Variants in MTOR observed in about 807,000 individuals in gnomAD.
MTOR encodes the protein mechanistic target of rapamycin kinase, also known as serine/threonine-protein kinase mTOR.
Under a neutral mutation model 319.8 loss-of-function variants are expected in MTOR, and 70 were observed. That is an observed-to-expected ratio of 0.22 (90% CI 0.18 to 0.27). MTOR has a LOEUF of 0.27. Ranked by LOEUF, MTOR falls within the 10% of genes least tolerant of loss-of-function variation. MTOR has a pLI of 1.00. For synonymous variants in MTOR, 1,183 were observed against 1,211.4 expected (o/e 0.98, Z 0.49); for missense variants, 1,890 against 3,274.4 (o/e 0.58, Z 10.32).
At chr1:11,258,101 C>T (rs1258149935) in intron 3 of MTOR, among the ~76,000 whole-genome samples, 1 of 111,822 alleles carries the variant, frequency 8.9e-6, no homozygotes, top group Non-Finnish European at 2.1e-5. Context: ...GAGTGAGACT[C>T]CATCTCAAAA....
chr1:11,162,521 G>A (rs536309875), intron 29 of MTOR, among the ~76,000 whole-genome samples: 1 of 152,292 alleles, frequency 6.6e-6, no homozygotes, highest in East Asian at 1.9e-4. Flanking sequence ...AAAATGTTAA[G>A]GGCAGCCAGA....
intron 46 of MTOR, 71 bp downstream of exon 46, chr1:11,126,551 C>A (rs897086858): frequency 1.3e-6 from 2 of 1,509,938 alleles, no homozygotes; most frequent in African/African-American, 1.4e-5. Flanking sequence ...GCAGTAATTT[C>A]AGAAGAGGGA....
rs1007717295 is a variant in MTOR, at chr1:11,251,158, A to G, written c.840+2681T>C. Among the ~76,000 whole-genome samples the G allele has an allele frequency of 3.4e-5, 3 of 87,836 alleles. No homozygotes were observed. The Admixed American group carries it at 4.1e-4, about 12-fold the overall frequency. The allele number at this position is 87,836 out of a possible 152,430, so 57.6% of individuals were successfully genotyped here. A position where few individuals can be genotyped will look rare whatever the true frequency, so the allele number is the denominator to read the frequency against. On this transcript the variant is annotated intron_variant, in intron 6 of 57. Coordinates refer to ENST00000361445, the MANE Select transcript of MTOR (RefSeq NM_004958.4). Reference sequence around the variant, plus strand: ...TTCCCACACAAAGGCCCTATGTGATATGCCCCTCCTTCCCTTAGGTGTTCC... The same window carrying G: ...TTCCCACACAAAGGCCCTATGTGATGTGCCCCTCCTTCCCTTAGGTGTTCC...
intron 28 of MTOR, among the ~76,000 whole-genome samples, chr1:11,171,706 TA>T (rs1217121975): frequency 6.6e-6 from 1 of 151,936 alleles, no homozygotes; most frequent in Non-Finnish European, 1.5e-5. Context: ...CTTTGCAAAT[TA>T]AAAATGTAAA....
In MTOR at chr1:11,212,975, G is replaced by A. The variant is rs1646358518; in HGVS notation, c.3286-67C>T. 20 of 1,277,652 alleles carry A rather than the reference G, an allele frequency of 1.6e-5. 1 individual carries two copies. The South Asian group carries it at 2.3e-4, about 15-fold the overall frequency. 79.1% of individuals were successfully genotyped at this position (1,277,652 alleles called of 1,614,324 possible). A position where few individuals can be genotyped will look rare whatever the true frequency, so the allele number is the denominator to read the frequency against. On this transcript the variant is annotated intron_variant, in intron 21 of 57. Coordinates refer to ENST00000361445, the MANE Select transcript of MTOR (RefSeq NM_004958.4). The surrounding 1 kb of genome is among the most constrained non-coding windows in gnomAD (Gnocchi z 4.1). ...CCAAGTATCTAAGGACACGCAGCGG[G>A]TGGTGGTGTAGACAATTCAAAGTTC...
chr1:11,223,580 G>C (rs1186546125), intron 19 of MTOR, among the ~76,000 whole-genome samples: 2 of 152,038 alleles, frequency 1.3e-5, no homozygotes, highest in Non-Finnish European at 2.9e-5. Flanking sequence ...ATTCATGATT[G>C]AAATAGTCTA....
intron 34 of MTOR, among the ~76,000 whole-genome samples, chr1:11,140,456 G>C (rs1005573593): frequency 1.3e-5 from 2 of 152,198 alleles, no homozygotes; most frequent in African/African-American, 4.8e-5. Context: ...TCTGACAGGA[G>C]GTGGAGCTTG....
chr1:11,239,614 C>T (rs1360965127), intron 11 of MTOR, among the ~76,000 whole-genome samples: 1 of 152,080 alleles, frequency 6.6e-6, no homozygotes, highest in Admixed American at 6.5e-5. Flanking sequence ...TTTTAGAAAT[C>T]ATACCGCCAG....
At chr1:11,108,369 G>A in intron 56 of MTOR, 83 bp from the exon 57 acceptor site, 5 of 1,070,174 alleles carry the variant, frequency 4.7e-6, no homozygotes, top group Non-Finnish European at 5.8e-6. Context: ...AACTGTCTAT[G>A]CCAACAGCTT....
intron 19 of MTOR, among the ~76,000 whole-genome samples, chr1:11,222,889 A>G (rs536629949): frequency 3.5e-4 from 53 of 152,322 alleles, no homozygotes; most frequent in African/African-American, 1.1e-3. Context: ...AGGGAACTTT[A>G]TAACAGATGG....
intron 46 of MTOR, among the ~76,000 whole-genome samples, chr1:11,126,036 TG>T (rs1455945333): frequency 5.8e-5 from 6 of 102,776 alleles, no homozygotes; most frequent in Non-Finnish European, 1.1e-4. Flanking sequence ...AGCAAAACTC[TG>T]GCTCAAAAAA....
intron 28 of MTOR, among the ~76,000 whole-genome samples, chr1:11,173,821 T>C (rs1261682386): frequency 6.6e-6 from 1 of 152,194 alleles, no homozygotes; most frequent in African/African-American, 2.4e-5. Context: ...GGCTTATTAA[T>C]CCTGGTGATC....
intron 38 of MTOR, chr1:11,131,967 A>C (rs1643183722): frequency 6.6e-6 from 1 of 152,190 alleles, no homozygotes; most frequent in South Asian, 2.1e-4. Context: ...CCATACCTTC[A>C]TTTATTCACT....
At chr1:11,202,237 G>A (rs1402528318) in intron 26 of MTOR, among the ~76,000 whole-genome samples, 1 of 152,012 alleles carries the variant, frequency 6.6e-6, no homozygotes, top group Non-Finnish European at 1.5e-5. Flanking sequence ...AGACCATCCT[G>A]GCTAACATGG....
Position 11,115,577 on chromosome 1 carries a change from G to C in MTOR, c.7017-109C>G. ...AGGAGTTGGCAAACGATAGCCCTCA[G>C]CCAATCCAGCCCCTCCACCTCCACT... On this transcript the variant is annotated intron_variant, in intron 50 of 57. Transcript: ENST00000361445. This position sits in a 1 kb window ranked among gnomAD's most constrained non-coding sequence, Gnocchi z 4.5. 1 of 945,698 alleles carries C rather than the reference G, an allele frequency of 1.1e-6. No homozygotes were observed. Among genetic ancestry groups the C allele is most frequent in the Non-Finnish European group, 1.7e-6 (1 of 591,014 alleles). The allele number at this position is 945,698 out of a possible 1,614,324, so 58.6% of individuals were successfully genotyped here.
intron 26 of MTOR, among the ~76,000 whole-genome samples, chr1:11,200,819 T>G (rs1180186061): frequency 6.6e-6 from 1 of 151,734 alleles, no homozygotes; most frequent in Non-Finnish European, 1.5e-5. Context: ...ATCGAGACCA[T>G]CCTGGCTAAC....
At position 11,129,909 on chromosome 1, in the gene MTOR, A is replaced by G. The variant is rs933549432; in HGVS notation, c.5614-71T>C. 102 of 1,319,940 alleles carry G rather than the reference A, an allele frequency of 7.7e-5. No individual in the cohort carries two copies. The highest frequency in any genetic ancestry group is 1.1e-4 in the Non-Finnish European group (97 of 919,970). The allele number at this position is 1,319,940 out of a possible 1,614,324, so 81.8% of individuals were successfully genotyped here. A position where few individuals can be genotyped will look rare whatever the true frequency, so the allele number is the denominator to read the frequency against. ...TCATCTGTAAAATGGGCATAAGAGC[A>G]TACTAACTGTACCTACTTCAAAGGG... On this transcript the variant is annotated intron_variant, in intron 39 of 57. Coordinates refer to ENST00000361445, the MANE Select transcript of MTOR (RefSeq NM_004958.4). The surrounding 1 kb of genome is among the most constrained non-coding windows in gnomAD (Gnocchi z 4.7).
At chr1:11,228,118 G>A (rs1646904650) in intron 19 of MTOR, among the ~76,000 whole-genome samples, 1 of 151,922 alleles carries the variant, frequency 6.6e-6, no homozygotes, top group African/African-American at 2.4e-5. Flanking sequence ...TATTTGTGGG[G>A]CATCTACAAC....
intron 28 of MTOR, among the ~76,000 whole-genome samples, chr1:11,184,243 T>C (rs1645243256): frequency 1.3e-5 from 2 of 152,330 alleles, no homozygotes; most frequent in East Asian, 1.9e-4. Context: ...AGAAGTAATA[T>C]GTCCATGGCC....
Sources: gnomAD v4.1 joint callset for allele counts (sites outside exome capture counted in the v4.1 genomes callset) on GRCh38, gnomAD v4.1.1 for gene constraint, Gnocchi (gnomAD v3.1) non-coding constraint, MANE v1.5 for transcripts, NCBI Gene and HGNC (gene_info 2026-07-23, HGNC 2026-07-21) for gene names.